WWOX: variants seen among roughly 807,000 people sequenced by gnomAD.
WWOX encodes the protein WW domain containing oxidoreductase.
WWOX carries 69 observed loss-of-function variants against 46.2 expected under a neutral mutation model. That is an observed-to-expected ratio of 1.49 (90% confidence interval 1.23 to 1.82). WWOX has a LOEUF of 1.82. Ranked by LOEUF, WWOX falls within the 40% of genes most tolerant of loss-of-function variation. WWOX has a pLI of 0.00. For missense variants in WWOX, 919 were observed against 542.6 expected (o/e 1.69, Z -6.89); for synonymous variants, 359 against 202.6 (o/e 1.77, Z -6.56).
intron 8 of WWOX, among the ~76,000 whole-genome samples, chr16:78,480,514 C>T (rs2084460439): frequency 6.6e-6 from 1 of 152,208 alleles, no homozygotes; most frequent in African/African-American, 2.4e-5. Flanking sequence ...CCATATTTCA[C>T]AGATGAGGAA....
chr16:79,127,568 G>T (rs78550576), intron 8 of WWOX, among the ~76,000 whole-genome samples: 2 of 152,148 alleles, frequency 1.3e-5, no homozygotes, highest in Admixed American at 6.5e-5. Context: ...GTGCCGCAAC[G>T]TGTAACCTTG....
intron 8 of WWOX, among the ~76,000 whole-genome samples, chr16:78,543,088 C>T (rs955931084): frequency 6.6e-6 from 1 of 152,224 alleles, no homozygotes; most frequent in Non-Finnish European, 1.5e-5. Flanking sequence ...TCATTTCTTG[C>T]TCATACGACA....
chr16:78,426,571 G>A (rs1417041595), intron 7 of WWOX, among the ~76,000 whole-genome samples: 1 of 152,164 alleles, frequency 6.6e-6, no homozygotes, highest in Admixed American at 6.5e-5. Context: ...TTATAGGGAG[G>A]CCTTCCTGAA....
chr16:78,607,181 G>C (rs1160668100), intron 8 of WWOX, among the ~76,000 whole-genome samples: 2 of 151,836 alleles, frequency 1.3e-5, no homozygotes, highest in Non-Finnish European at 2.9e-5. Flanking sequence ...TAAATACACA[G>C]TTAATAAAAT....
chr16:78,484,431 T>A (rs1018720556), intron 8 of WWOX, among the ~76,000 whole-genome samples: 2 of 152,198 alleles, frequency 1.3e-5, no homozygotes, highest in African/African-American at 4.8e-5. Flanking sequence ...CTGTAACTTG[T>A]TTAAGATACC....
chr16:78,473,838 G>A (rs1288670403), intron 8 of WWOX, among the ~76,000 whole-genome samples: 1 of 152,110 alleles, frequency 6.6e-6, no homozygotes, highest in African/African-American at 2.4e-5. Flanking sequence ...GCTGTTGCAT[G>A]GTGTAGCATG....
intron 8 of WWOX, among the ~76,000 whole-genome samples, chr16:78,856,928 T>C (rs762283366): frequency 1.1e-4 from 17 of 152,202 alleles, no homozygotes; most frequent in Non-Finnish European, 1.6e-4. Flanking sequence ...CTAGGCTAGG[T>C]AGAGCATATT....
At chr16:78,576,442 G>T (rs532033017) in intron 8 of WWOX, among the ~76,000 whole-genome samples, 1 of 152,158 alleles carries the variant, frequency 6.6e-6, no homozygotes, top group South Asian at 2.1e-4. Context: ...GTCTGGAGGC[G>T]TTGGGCTTGG....
chr16:78,179,085 C>T (rs1306949707), intron 5 of WWOX, among the ~76,000 whole-genome samples: 1 of 152,100 alleles, frequency 6.6e-6, no homozygotes, highest in South Asian at 2.1e-4. Flanking sequence ...TCCTCAAAGA[C>T]TTGCCAACAT....
At chr16:78,464,508 C>T (rs973054081) in intron 8 of WWOX, among the ~76,000 whole-genome samples, 16 of 152,114 alleles carry the variant, frequency 1.1e-4, no homozygotes, top group African/African-American at 3.4e-4. Flanking sequence ...TTCTTGGGTG[C>T]TTACCATGTG....
intron 8 of WWOX, among the ~76,000 whole-genome samples, chr16:78,788,343 A>G (rs1003061157): frequency 1.3e-5 from 2 of 152,334 alleles, no homozygotes; most frequent in East Asian, 3.9e-4. Context: ...GGCATCAGGA[A>G]ACAGAATCTC....
chr16:78,997,118 C>G (rs2047005987), intron 8 of WWOX, among the ~76,000 whole-genome samples: 1 of 151,610 alleles, frequency 6.6e-6, no homozygotes, highest in South Asian at 2.1e-4. Flanking sequence ...TCAATGTAGA[C>G]ATATGTTCGA....
intron 8 of WWOX, among the ~76,000 whole-genome samples, chr16:78,721,417 C>T (rs2048686195): frequency 6.6e-6 from 1 of 152,092 alleles, no homozygotes; most frequent in South Asian, 2.1e-4. Flanking sequence ...ATTGTATGAA[C>T]ATATTGTCGG....
intron 8 of WWOX, among the ~76,000 whole-genome samples, chr16:79,120,539 A>C (rs990422680): frequency 9.9e-5 from 15 of 152,170 alleles, no homozygotes; most frequent in African/African-American, 3.1e-4. Flanking sequence ...AATAACGGCA[A>C]ACTGAGTGAC....
intron 8 of WWOX, among the ~76,000 whole-genome samples, chr16:78,852,849 A>G (rs985026939): frequency 6.6e-6 from 1 of 152,218 alleles, no homozygotes; most frequent in Non-Finnish European, 1.5e-5. Context: ...AGAAACTTTT[A>G]TACAGTAATA....
chr16:78,300,387 A>G (rs561556748), intron 5 of WWOX, among the ~76,000 whole-genome samples: 1 of 152,196 alleles, frequency 6.6e-6, no homozygotes, highest in East Asian at 1.9e-4. Context: ...CGTGAAGTGG[A>G]GGCCGTTACT....
At chr16:78,744,319 C>A (rs553114840) in intron 8 of WWOX, among the ~76,000 whole-genome samples, 1 of 150,420 alleles carries the variant, frequency 6.6e-6, no homozygotes, top group Non-Finnish European at 1.5e-5. Context: ...GTACATGTGA[C>A]GTTTCATTTT....
At chr16:78,785,260 C>A (rs150315282) in intron 8 of WWOX, among the ~76,000 whole-genome samples, 2 of 152,308 alleles carry the variant, frequency 1.3e-5, no homozygotes, top group East Asian at 1.9e-4. Flanking sequence ...TTCCCACCTT[C>A]GATGGGCAGG....
intron 4 of WWOX, among the ~76,000 whole-genome samples, chr16:78,137,942 C>A (rs1405228792): frequency 6.6e-6 from 1 of 150,704 alleles, no homozygotes; most frequent in Non-Finnish European, 1.5e-5. Flanking sequence ...TCACAAACAG[C>A]ACAAGAGGAA....
Sources: allele counts gnomAD v4.1 joint callset (sites outside exome capture counted in the v4.1 genomes callset), GRCh38; gene constraint gnomAD v4.1.1; transcripts MANE v1.5; gene names NCBI Gene and HGNC (gene_info 2026-07-23, HGNC 2026-07-21).